Variants in SEC24A observed in about 807,000 individuals in gnomAD.
The protein encoded by SEC24A is SEC24 homolog A, COPII component, also known as protein transport protein Sec24A.
Under a neutral mutation model 129.4 loss-of-function variants are expected in SEC24A, and 93 were observed. That is an observed-to-expected ratio of 0.72 (90% CI 0.61 to 0.85). The LOEUF is 0.85. Ranked by LOEUF, SEC24A falls within the 40% of genes least tolerant of loss-of-function variation. SEC24A has a pLI of 0.00. For missense variants in SEC24A, 1,264 were observed against 1,307.4 expected, an observed-to-expected ratio of 0.97 and a Z score of 0.51; for synonymous variants, 460 against 467.3, an observed-to-expected ratio of 0.98 and a Z score of 0.20.
At chr5:134,695,685 T>G (rs1474408628) in intron 13 of SEC24A, among the ~76,000 whole-genome samples, 1 of 152,054 alleles carries the variant, frequency 6.6e-6, no homozygotes, top group Non-Finnish European at 1.5e-5. Flanking sequence ...CTCAGGAGGC[T>G]GAGGCAGGAG....
Position 134,698,018 on chromosome 5 carries a change from A to G in SEC24A, c.2227A>G (p.Ile743Val), listed in dbSNP as rs1751880642. The change falls in exon 15 of 23, where the codon ATT (isoleucine) becomes GTT (valine). Residue 743 changes from isoleucine to valine, a missense_variant. Transcript: ENST00000398844. ...ACTACAGAGATACCTTACTCGGAAG[A>G]TTGGCTTTGAGGCAGTCATGAGGAT... ...KELQRYLTRK[I>V]GFEAVMRIRC... 6.2e-7 allele frequency: 1 copy of G among 1,613,914 alleles called. No individual in the cohort carries two copies. The highest frequency in any genetic ancestry group is 1.1e-5 in the South Asian group (1 of 91,042).
chr5:134,672,567 C>T (rs547464521), intron 4 of SEC24A, among the ~76,000 whole-genome samples: 3 of 151,972 alleles, frequency 2.0e-5, no homozygotes, highest in African/African-American at 4.8e-5. Flanking sequence ...TGGGCTCAAG[C>T]GATCTGCCCA....
rs902196981 is a variant in SEC24A, at chr5:134,725,028, C to T, written c.3216C>T (p.Asp1072=). The change falls in exon 23 of 23, where the codon GAC becomes GAT. Residue 1072 remains aspartate, a synonymous_variant. Transcript: ENST00000398844. Reference sequence around the variant, plus strand: ...ACTTCCTTCAAAACATGATAGAAGACAGAACAGAATCTGCATTATCATATT... The same window carrying T: ...ACTTCCTTCAAAACATGATAGAAGATAGAACAGAATCTGCATTATCATATT... ...KANFLQNMIE[D]RTESALSYYE... The T allele has an allele frequency of 6.2e-7, 1 of 1,609,882 alleles. No individual in the cohort carries two copies. Among genetic ancestry groups the T allele is most frequent in the Non-Finnish European group, 8.5e-7 (1 of 1,177,104 alleles).
intron 19 of SEC24A, among the ~76,000 whole-genome samples, chr5:134,715,942 T>G (rs1752465312): frequency 6.6e-6 from 1 of 151,892 alleles, no homozygotes; most frequent in South Asian, 2.1e-4. Context: ...CATTCCAGAA[T>G]GGAACAAGTG....
At chr5:134,680,568 A>G (rs1018161536) in intron 8 of SEC24A, among the ~76,000 whole-genome samples, 1 of 151,988 alleles carries the variant, frequency 6.6e-6, no homozygotes, top group Non-Finnish European at 1.5e-5. Flanking sequence ...CCTGACCTCA[A>G]GTGATCTGCC....
At chr5:134,664,350 T>A (rs1750580040) in intron 2 of SEC24A, among the ~76,000 whole-genome samples, 1 of 152,092 alleles carries the variant, frequency 6.6e-6, no homozygotes, top group Admixed American at 6.6e-5. Flanking sequence ...TTTTCCTGAA[T>A]TTTTTTAATA....
At chr5:134,694,729 G>T (rs1400445842) in intron 13 of SEC24A, among the ~76,000 whole-genome samples, 1 of 150,810 alleles carries the variant, frequency 6.6e-6, no homozygotes, top group Admixed American at 6.6e-5. Flanking sequence ...TGAGGCAGGA[G>T]AATTGCTTGA....
At chr5:134,717,069 G>T (rs962066895) in intron 19 of SEC24A, among the ~76,000 whole-genome samples, 6 of 151,384 alleles carry the variant, frequency 4.0e-5, no homozygotes, top group Non-Finnish European at 8.8e-5. Context: ...AGTAAAGACG[G>T]TGTTTCACCA....
At chr5:134,718,848 T>TA (rs1359010659) in intron 20 of SEC24A, among the ~76,000 whole-genome samples, 1 of 151,514 alleles carries the variant, frequency 6.6e-6, no homozygotes, top group Non-Finnish European at 1.5e-5. Flanking sequence ...GGCATGCCTG[T>TA]AATCCTAACT....
At chr5:134,675,754 A>G (rs1751037552) in intron 6 of SEC24A, among the ~76,000 whole-genome samples, 1 of 152,186 alleles carries the variant, frequency 6.6e-6, no homozygotes, top group South Asian at 2.1e-4. Context: ...TAGACTTACA[A>G]AACAAAAAAT....
At position 134,689,743 on chromosome 5, in the gene SEC24A, G is replaced by A. The variant is rs188296292; in HGVS notation, c.1723+1444G>A. Among the ~76,000 whole-genome samples, 1,158 of 149,680 alleles carry A rather than the reference G, an allele frequency of 7.7e-3. 13 individuals carry two copies. The highest frequency in any genetic ancestry group is 0.027 in the African/African-American group (1,101 of 40,656). ...CGTGCCACCGCACTCCAGCCTGGAC[G>A]ACAGAGTGAGACTCCATCTCAAGAA... On this transcript the variant is annotated intron_variant, in intron 11 of 22. Transcript: ENST00000398844.
At position 134,676,045 on chromosome 5, in the gene SEC24A, A is replaced by G. The variant is rs1383866130; in HGVS notation, c.1174A>G (p.Ser392Gly). Residue 392 changes from serine (S) to glycine (G), a missense_variant, in exon 7 of 23, where the codon AGC (serine) becomes GGC (glycine). Physicochemically the swap from Ser to Gly is moderately conservative, Grantham distance 56. Coordinates refer to ENST00000398844, the MANE Select transcript of SEC24A (RefSeq NM_021982.3). The part of the protein sequence containing the change: ...NPELFRCTLT[S>G]IPQTQALLNK... ...TAGGTTATTTCGATGCACGCTGACT[A>G]GCATTCCTCAGACGCAGGCCTTATT... 4.3e-6 allele frequency: 7 copies of G among 1,611,486 alleles called. No homozygotes were observed. The highest frequency in any genetic ancestry group is 1.7e-4 in the Middle Eastern group (1 of 6,046).
intron 2 of SEC24A, among the ~76,000 whole-genome samples, chr5:134,663,982 G>A (rs550726630): frequency 7.9e-5 from 12 of 152,116 alleles, no homozygotes; most frequent in Admixed American, 3.9e-4. Flanking sequence ...ATGGTGGCAC[G>A]TGCCTGTAAT....
intron 19 of SEC24A, 36 bp downstream of exon 19, chr5:134,715,197 G>C: frequency 6.4e-7 from 1 of 1,568,140 alleles, no homozygotes; most frequent in East Asian, 2.3e-5. Flanking sequence ...TTTACTTGAA[G>C]ATTAGTAAGC....
intron 3 of SEC24A, among the ~76,000 whole-genome samples, chr5:134,669,668 G>A (rs1470579025): frequency 1.3e-5 from 2 of 151,160 alleles, no homozygotes; most frequent in South Asian, 2.1e-4. Context: ...TAGTAGAGAC[G>A]AGGTTTCACT....
At chr5:134,697,794 T>G (rs964243821) in intron 14 of SEC24A, 105 bp from the exon 15 acceptor site, 2 of 1,200,994 alleles carry the variant, frequency 1.7e-6, no homozygotes, top group Non-Finnish European at 2.3e-6. Flanking sequence ...TGACAGTAGT[T>G]TACCTTGGAA....
intron 20 of SEC24A, among the ~76,000 whole-genome samples, chr5:134,719,313 C>T: frequency 6.7e-6 from 1 of 149,682 alleles, no homozygotes; most frequent in South Asian, 2.1e-4. Context: ...GCTGGGGAGG[C>T]TGAGGCTTCA....
chr5:134,678,903 CAG>C (rs994455519), intron 7 of SEC24A, among the ~76,000 whole-genome samples: 6 of 151,938 alleles, frequency 3.9e-5, no homozygotes, highest in Admixed American at 1.3e-4. Context: ...AAAATAGAGA[CAG>C]GGTCTTACTT....
chr5:134,679,561 T>C, intron 7 of SEC24A, 41 bp from the exon 8 acceptor site: 2 of 1,451,506 alleles, frequency 1.4e-6, no homozygotes, highest in Non-Finnish European at 1.9e-6. Context: ...AACATGATGA[T>C]TTTTGCCTTT....
Sources: allele counts gnomAD v4.1 joint callset (sites outside exome capture counted in the v4.1 genomes callset), GRCh38; gene constraint gnomAD v4.1.1; transcripts MANE v1.5; gene names NCBI Gene and HGNC (gene_info 2026-07-23, HGNC 2026-07-21).